NRXN3: variants seen among roughly 807,000 people sequenced by gnomAD.
NRXN3 encodes the protein neurexin III.
NRXN3 carries 32 observed loss-of-function variants against 137.6 expected under a neutral mutation model. The observed-to-expected ratio is 0.23, with a 90% CI of 0.18 to 0.31. NRXN3 has a LOEUF of 0.31. Among genes scored for constraint, NRXN3 ranks in the 10% least tolerant of loss-of-function variants. The pLI is 1.00. For missense variants in NRXN3, 1,574 were observed against 2,062.5 expected, an observed-to-expected ratio of 0.76 and a Z score of 4.59; for synonymous variants, 798 against 784.5, an observed-to-expected ratio of 1.02 and a Z score of -0.29.
At chr14:78,536,123 A>C (rs557723710) in intron 4 of NRXN3, among the ~76,000 whole-genome samples, 6 of 152,286 alleles carry the variant, frequency 3.9e-5, no homozygotes, top group African/African-American at 1.4e-4. Flanking sequence ...TGCAACTTCG[A>C]TCAGGCATGC....
intron 10 of NRXN3, among the ~76,000 whole-genome samples, chr14:78,826,476 A>G (rs1324427374): frequency 3.9e-5 from 6 of 152,262 alleles, no homozygotes; most frequent in Non-Finnish European, 2.9e-5. Flanking sequence ...ATGCACACGC[A>G]TAAATTCACA....
chr14:79,531,667 A>G (rs1037297072), intron 16 of NRXN3, among the ~76,000 whole-genome samples: 4 of 152,210 alleles, frequency 2.6e-5, no homozygotes, highest in African/African-American at 4.8e-5. Flanking sequence ...CATGATCTTT[A>G]GTATCATCAA....
At chr14:78,647,729 A>G (rs575577649) in intron 5 of NRXN3, among the ~76,000 whole-genome samples, 117 of 152,326 alleles carry the variant, frequency 7.7e-4, no homozygotes, top group Admixed American at 3.3e-3. Context: ...AAAGAGGAAA[A>G]TCTCTGAAAA....
At chr14:78,562,396 C>CAAAAAAA (rs752464669) in intron 4 of NRXN3, among the ~76,000 whole-genome samples, 1 of 49,468 alleles carries the variant, frequency 2.0e-5, no homozygotes, top group Non-Finnish European at 4.4e-5. Context: ...ACTTATATCT[C>CAAAAAAA]AAAAAAAAAA....
intron 10 of NRXN3, 34 bp downstream of exon 10, chr14:78,810,378 A>T (rs768744320): frequency 6.7e-5 from 55 of 820,632 alleles, no homozygotes; most frequent in South Asian, 1.4e-4. Context: ...TTTGTTCTTT[A>T]AAAAAAAAAA....
In NRXN3 at chr14:78,529,793, C is replaced by T. The variant is rs774801835; in HGVS notation, c.758-115327C>T. ...GCATTTTCTGACTCCCATGCTGGGC[C>T]ATCTCATCCCCCATCAACAAATCAC... is the stretch of plus-strand genomic sequence containing the variant. On this transcript the variant is annotated intron_variant, in intron 4 of 20. Transcript: ENST00000335750. Among the ~76,000 whole-genome samples, 51 of 152,194 alleles carry T rather than the reference C, an allele frequency of 3.4e-4. 1 individual carries two copies. Among genetic ancestry groups the T allele is most frequent in the Non-Finnish European group, 6.8e-4 (46 of 68,038 alleles).
chr14:78,489,582 T>C (rs905495642), intron 4 of NRXN3, among the ~76,000 whole-genome samples: 3 of 152,328 alleles, frequency 2.0e-5, no homozygotes, highest in Admixed American at 6.5e-5. Flanking sequence ...GCCTCTTTCC[T>C]GAATCTTAGA....
intron 16 of NRXN3, among the ~76,000 whole-genome samples, chr14:79,495,389 T>C (rs1363107970): frequency 1.3e-5 from 2 of 152,210 alleles, no homozygotes; most frequent in Non-Finnish European, 2.9e-5. Flanking sequence ...AACAGGGAGA[T>C]GCAGCAGCTG....
Position 79,819,400 on chromosome 14 carries a change from CCATTTTATAGTCGTTCCCAA to C in NRXN3, c.4093+14216_4093+14235del, listed in dbSNP as rs201613002. 2.2e-3 allele frequency among the ~76,000 whole-genome samples: 333 copies of C among 149,944 alleles called. 11 individuals are homozygous for C. In the East Asian group the frequency reaches 0.045, roughly 20 times the overall value. Reference sequence around the variant, plus strand: ...TTTTTAATAGATAAGACCTTCTTGCCCATTTTATAGTCGTTCCCAACATTTGTTGAGTTCTCCACTAAGTA... The same window carrying C: ...TTTTTAATAGATAAGACCTTCTTGCCCATTTGTTGAGTTCTCCACTAAGTA... On this transcript the variant is annotated intron_variant, in intron 20 of 20. Coordinates refer to ENST00000335750, the MANE Select transcript of NRXN3 (RefSeq NM_001330195.2).
At chr14:79,775,080 A>G (rs1173101617) in intron 19 of NRXN3, among the ~76,000 whole-genome samples, 2 of 152,136 alleles carry the variant, frequency 1.3e-5, no homozygotes, top group Non-Finnish European at 2.9e-5. Context: ...AGAAATATAT[A>G]AAAGAGCAAG....
At chr14:79,710,848 A>AGAAAT (rs750112982) in intron 19 of NRXN3, among the ~76,000 whole-genome samples, 1 of 152,168 alleles carries the variant, frequency 6.6e-6, no homozygotes, top group Non-Finnish European at 1.5e-5. Context: ...AAGACTTTGG[A>AGAAAT]GAAATAAAGA....
intron 16 of NRXN3, chr14:79,570,613 T>A (rs746333894): frequency 6.6e-6 from 1 of 152,218 alleles, no homozygotes; most frequent in Admixed American, 6.5e-5. Context: ...CCTTGTGATA[T>A]GGAATGAGAT....
chr14:78,824,477 T>C (rs1414036563), intron 10 of NRXN3, among the ~76,000 whole-genome samples: 1 of 152,212 alleles, frequency 6.6e-6, no homozygotes, highest in Non-Finnish European at 1.5e-5. Flanking sequence ...TGAACACTTA[T>C]TGAATTAACA....
chr14:78,912,776 A>G (rs764413685), intron 10 of NRXN3, among the ~76,000 whole-genome samples: 5 of 152,158 alleles, frequency 3.3e-5, no homozygotes, highest in Non-Finnish European at 7.3e-5. Flanking sequence ...TTGCTGTTGG[A>G]TCCATTTGTT....
intron 4 of NRXN3, among the ~76,000 whole-genome samples, chr14:78,530,652 A>C (rs1268512332): frequency 6.6e-6 from 1 of 152,186 alleles, no homozygotes; most frequent in Non-Finnish European, 1.5e-5. Context: ...CATTGGTTTT[A>C]GGACTTGACC....
At chr14:78,359,702 G>T (rs969306129) in intron 4 of NRXN3, among the ~76,000 whole-genome samples, 1 of 152,116 alleles carries the variant, frequency 6.6e-6, no homozygotes, top group Non-Finnish European at 1.5e-5. Context: ...CTTTTCAAGA[G>T]ACTTTGAAAA....
chr14:79,665,116 C>T (rs1340642190), intron 17 of NRXN3, among the ~76,000 whole-genome samples: 4 of 152,148 alleles, frequency 2.6e-5, no homozygotes, highest in South Asian at 2.1e-4. Context: ...CCACACCTAA[C>T]TCAGCATTAA....
intron 16 of NRXN3, among the ~76,000 whole-genome samples, chr14:79,540,862 C>CA (rs925826229): frequency 2.0e-5 from 3 of 152,112 alleles, no homozygotes; most frequent in Non-Finnish European, 4.4e-5. Context: ...CTGAATTTTC[C>CA]AACATGAAAA....
chr14:78,193,920 C>T (rs1301059046), intron 1 of NRXN3, among the ~76,000 whole-genome samples: 2 of 152,146 alleles, frequency 1.3e-5, no homozygotes, highest in Admixed American at 6.5e-5. Flanking sequence ...CTCTCTGTAC[C>T]TCACCCACCT....
Sources: gnomAD v4.1 joint callset for allele counts (sites outside exome capture counted in the v4.1 genomes callset) on GRCh38, gnomAD v4.1.1 for gene constraint, MANE v1.5 for transcripts, NCBI Gene and HGNC (gene_info 2026-07-23, HGNC 2026-07-21) for gene names.